The following AMHR2 variants were observed in gnomAD, a reference collection of about 807,000 sequenced individuals.
AMHR2 encodes anti-Mullerian hormone receptor type 2.
In AMHR2, 36 loss-of-function variants were observed where a neutral mutation model predicts 61.4. That is an observed-to-expected ratio of 0.59 (90% confidence interval 0.45 to 0.77). The LOEUF is 0.77. Ranked by LOEUF, AMHR2 falls within the 30% of genes least tolerant of loss-of-function variation. The probability of loss-of-function intolerance (pLI) is 0.00; values close to 1 mark genes in which losing one functional copy is unlikely to be tolerated. For missense variants in AMHR2, 638 were observed against 714.6 expected (o/e 0.89, Z 1.22); for synonymous variants, 258 against 279.4 (o/e 0.92, Z 0.76).
rs778050778 is a variant in AMHR2 at position 53,429,824 on chromosome 12, T to C, written c.1141-7T>C. ...TGATTCTTGGCCCTTCGTGCCTTGC[T>C]CTCCAGGCTGGCACCCAGAGGTACA... On this transcript the variant is annotated splice_region_variant and splice_polypyrimidine_tract_variant and intron_variant, in intron 8 of 10. Coordinates refer to ENST00000257863, the MANE Select transcript of AMHR2 (RefSeq NM_020547.3). The C allele has an allele frequency of 5.0e-6, 8 of 1,614,040 alleles. No homozygotes were observed. The highest frequency in any genetic ancestry group is 6.8e-6 in the Non-Finnish European group (8 of 1,180,030).
chr12:53,430,624 C>T lies in AMHR2; in HGVS notation c.1425+342C>T, dbSNP rs784889. ...CTTTGCTCTTGCCCTGAGCTCTGCC[C>T]CATCTGCTCTCCTAATACAGTAAAG... On this transcript the variant is annotated intron_variant, in intron 10 of 10. Transcript: ENST00000257863. 0.06 allele frequency: 26,455 copies of T among 443,310 alleles called. 5,870 individuals carry two copies. The highest frequency in any genetic ancestry group is 0.48 in the African/African-American group (23,766 of 49,962). 27.5% of individuals were successfully genotyped at this position (443,310 alleles called of 1,614,324 possible). A position where few individuals can be genotyped will look rare whatever the true frequency, so the allele number is the denominator to read the frequency against.
chr12:53,430,487 A>C, intron 10 of AMHR2: 1 of 744,752 alleles, frequency 1.3e-6, no homozygotes, highest in Non-Finnish European at 2.2e-6. Context: ...AGTCGATTCC[A>C]TCTACCTGAG....
At position 53,429,479 on chromosome 12, in the gene AMHR2, C is replaced by T. The variant is rs781745214; in HGVS notation, c.994C>T (p.Arg332Ter). ...CCAATATAAACCAGGTATTGCCCAC[C>T]GAGATCTGAGCAGCCAGAATGTGCT... ...NGQYKPGIAH[R>*]DLSSQNVLIR... The change falls in exon 8 of 11, where the codon CGA (arginine) becomes TGA (stop). Residue 332 changes from arginine to a stop codon, truncating the protein, a stop_gained. Transcript: ENST00000257863. LOFTEE classifies it high-confidence loss of function. 8 of 1,613,500 alleles carry T rather than the reference C, an allele frequency of 5.0e-6. No homozygotes were observed. In the Admixed American group the frequency reaches 5.0e-5, roughly 10 times the overall value.
Position 53,424,452 on chromosome 12 carries a change from G to A in AMHR2, c.214G>A (p.Ala72Thr). ...GATCTGGAACCTGACCCAAGACCGG[G>A]CACAGGTGGAAATGCAAGGTGAATG... ...FGIWNLTQDR[A>T]QVEMQGCRDS... The change falls in exon 2 of 11, where the codon GCA (alanine) becomes ACA (threonine). Residue 72 changes from alanine to threonine, a missense_variant. By Grantham distance (58) the Ala-to-Thr change is moderately conservative. Transcript: ENST00000257863. The A allele has an allele frequency of 6.2e-7, 1 of 1,613,286 alleles. No individual in the cohort carries two copies.
chr12:53,425,462 A>G lies in AMHR2; in HGVS notation c.510A>G (p.Leu170=), dbSNP rs528390504. The change falls in exon 5 of 11, where the codon CTA becomes CTG. Residue 170 remains leucine (L), a synonymous_variant. Transcript: ENST00000257863. The part of the protein sequence containing the change: ...LLLGSIILAL[L]QRKNYRVRGE... ...GGCTCTTGTCTGTTCCAGCCCTGCT[A>G]CAGCGAAAGAACTACAGAGTGCGAG... The G allele has an allele frequency of 6.2e-7, 1 of 1,613,886 alleles. No homozygotes were observed. Among genetic ancestry groups the G allele is most frequent in the East Asian group, 2.2e-5 (1 of 44,886 alleles).
Position 53,428,882 on chromosome 12 carries a change from CT to C in AMHR2, c.853-13del. The C allele has an allele frequency of 6.5e-7, 1 of 1,543,534 alleles. No individual in the cohort carries two copies. The highest frequency in any genetic ancestry group is 8.8e-7 in the Non-Finnish European group (1 of 1,140,002). ...AGCTTTGTGTACCATCCTTTTCTCT[CT>C]GCGTTTCCCCAGGGCTCCCTGTGCC... On this transcript the variant is annotated splice_polypyrimidine_tract_variant and intron_variant, in intron 6 of 10. Coordinates refer to ENST00000257863, the MANE Select transcript of AMHR2 (RefSeq NM_020547.3).
chr12:53,425,547 GA>G lies in AMHR2; in HGVS notation c.596del (p.Glu199GlyfsTer10), dbSNP rs1939497801. On this transcript the variant is annotated frameshift_variant, in exon 5 of 11. Transcript: ENST00000257863. LOFTEE classifies it high-confidence loss of function. ...CAGGGACTGGAGTGTGGAGCTGCAG[GA>G]GCTGCCTGAGCTGTGTTTCTCCCAG... is the stretch of plus-strand genomic sequence containing the variant. ...SGRDWSVELQ[E>X]LPELCFSQVI... The G allele has an allele frequency of 9.3e-6, 15 of 1,614,048 alleles. No homozygotes were observed. Among genetic ancestry groups the G allele is most frequent in the Non-Finnish European group, 1.3e-5 (15 of 1,180,026 alleles).
chr12:53,426,825 G>A (rs2136954289), intron 6 of AMHR2, among the ~76,000 whole-genome samples: 1 of 151,808 alleles, frequency 6.6e-6, no homozygotes, highest in African/African-American at 2.4e-5. Flanking sequence ...TGGGATTACA[G>A]GCGCTTGCCA....
chr12:53,427,299 C>T (rs573022085), intron 6 of AMHR2, among the ~76,000 whole-genome samples: 2 of 152,356 alleles, frequency 1.3e-5, no homozygotes, highest in East Asian at 3.9e-4. Flanking sequence ...AGAGGCCAGC[C>T]ACACCAGGCC....
chr12:53,431,015 T>C (rs2136976201), intron 10 of AMHR2, 162 bp from the exon 11 acceptor site: 1 of 899,456 alleles, frequency 1.1e-6, no homozygotes, highest in South Asian at 1.5e-5. Context: ...GGAGCAAGAC[T>C]CAGAGGGCTG....
intron 10 of AMHR2, chr12:53,430,948 G>C (rs1940050601): frequency 3.3e-6 from 2 of 598,920 alleles, no homozygotes; most frequent in Non-Finnish European, 3.0e-6. Context: ...ACCTACATTA[G>C]CTCCTCAGAG....
intron 1 of AMHR2, 43 bp downstream of exon 1, chr12:53,424,026 G>T: frequency 6.2e-7 from 1 of 1,609,950 alleles, no homozygotes; most frequent in Non-Finnish European, 8.5e-7. Context: ...CATCCATCCA[G>T]CAAGGGAAAG....
chr12:53,431,588 CG>C lies in AMHR2; in HGVS notation c.*118del. The C allele has an allele frequency of 7.4e-7, 1 of 1,349,008 alleles. No homozygotes were observed. 83.6% of individuals were successfully genotyped at this position (1,349,008 alleles called of 1,614,324 possible). A position where few individuals can be genotyped will look rare whatever the true frequency, so the allele number is the denominator to read the frequency against. On this transcript the variant is annotated 3_prime_UTR_variant, in exon 11 of 11. Coordinates refer to ENST00000257863, the MANE Select transcript of AMHR2 (RefSeq NM_020547.3). The stretch of plus-strand genomic sequence containing the variant: ...CCTGCCGAATCCTTGGATTCTTCTG[CG>C]GGCATCCAGTCCACATCAGTTCTGA...
At chr12:53,424,239 G>A (rs1316478712) in intron 1 of AMHR2, 49 bp from the exon 2 acceptor site, 2 of 1,609,390 alleles carry the variant, frequency 1.2e-6, no homozygotes, top group East Asian at 2.2e-5. Flanking sequence ...TTTTGCCTCT[G>A]CATTCACTCC....
chr12:53,429,038 G>C, intron 7 of AMHR2, 28 bp downstream of exon 7: 2 of 1,511,520 alleles, frequency 1.3e-6, no homozygotes, highest in Non-Finnish European at 1.8e-6. Context: ...AGGAAGTCAA[G>C]GGAGCCACAG....
chr12:53,426,695 G>A (rs1592596881), intron 6 of AMHR2, among the ~76,000 whole-genome samples: 1 of 151,458 alleles, frequency 6.6e-6, no homozygotes, highest in East Asian at 1.9e-4. Context: ...ATTTTATTTT[G>A]GTGGGAGGAC....
At chr12:53,426,339 A>T (rs1331152254) in intron 6 of AMHR2, among the ~76,000 whole-genome samples, 1 of 151,456 alleles carries the variant, frequency 6.6e-6, no homozygotes, top group Non-Finnish European at 1.5e-5. Context: ...AAAAATAGTA[A>T]CAGGCTGGGC....
chr12:53,430,832 C>T (rs1375154115), intron 10 of AMHR2: 11 of 416,148 alleles, frequency 2.6e-5, no homozygotes, highest in South Asian at 5.2e-5. Flanking sequence ...GAAATTTCCA[C>T]GGCACAAGTC....
At chr12:53,424,565 A>G in intron 2 of AMHR2, 95 bp downstream of exon 2, 1 of 1,557,722 alleles carries the variant, frequency 6.4e-7, no homozygotes, top group Non-Finnish European at 8.8e-7. Flanking sequence ...GGAGAAATAG[A>G]ACATCTGGTG....
Sources: gnomAD v4.1 joint callset for allele counts (sites outside exome capture counted in the v4.1 genomes callset) on GRCh38, gnomAD v4.1.1 for gene constraint, MANE v1.5 for transcripts, NCBI Gene and HGNC (gene_info 2026-07-23, HGNC 2026-07-21) for gene names.